The following PDE1A variants were observed in gnomAD, a reference collection of about 807,000 sequenced individuals.
PDE1A encodes phosphodiesterase 1A.
A neutral mutation model predicts 61.7 loss-of-function variants in PDE1A; 35 were observed. The observed-to-expected ratio is 0.57, with a 90% confidence interval of 0.43 to 0.75. The LOEUF is 0.75. PDE1A is among the 30% of genes least tolerant of loss of function. The pLI, the probability that PDE1A is intolerant of heterozygous loss-of-function variation, is 0.00. For missense variants in PDE1A, 597 were observed against 630.6 expected, an observed-to-expected ratio of 0.95 and a Z score of 0.57; for synonymous variants, 232 against 213.2, an observed-to-expected ratio of 1.09 and a Z score of -0.77.
the PDE1A span, among the ~76,000 whole-genome samples, chr2:182,637,649 C>T: frequency 6.6e-6 from 1 of 152,156 alleles, no homozygotes; most frequent in African/African-American, 2.4e-5. Context: ...AGGCCGGGCA[C>T]TGTGGCTCAC....
At chr2:182,547,076 A>T in the PDE1A span, among the ~76,000 whole-genome samples, 1 of 152,222 alleles carries the variant, frequency 6.6e-6, no homozygotes, top group African/African-American at 2.4e-5. Flanking sequence ...TTTTTTAAAA[A>T]TAAAATTGAA....
At chr2:182,450,768 TAA>T (rs1685456260) in intron 2 of PDE1A, among the ~76,000 whole-genome samples, 1 of 146,830 alleles carries the variant, frequency 6.8e-6, no homozygotes, top group East Asian at 2.1e-4. Context: ...TCACTATGTA[TAA>T]AAAAGACACA....
Position 182,219,595 on chromosome 2 carries a change from C to T in PDE1A, c.776+4269G>A, listed in dbSNP as rs192775074. Reference sequence around the variant, plus strand: ...AAGTTTGCTACCACTTACCCAACACCGAGGCTTCTCTCACTCTCCTATCTC... The same window carrying T: ...AAGTTTGCTACCACTTACCCAACACTGAGGCTTCTCTCACTCTCCTATCTC... On this transcript the variant is annotated intron_variant, in intron 7 of 13. Coordinates refer to ENST00000351439, the Ensembl canonical transcript of PDE1A. Among the ~76,000 whole-genome samples the T allele has an allele frequency of 3.5e-3, 531 of 152,132 alleles. 2 individuals are homozygous for T. Among genetic ancestry groups the T allele is most frequent in the African/African-American group, 0.012 (514 of 41,524 alleles).
the PDE1A span, among the ~76,000 whole-genome samples, chr2:182,670,538 T>C: frequency 6.6e-6 from 1 of 152,322 alleles, no homozygotes; most frequent in African/African-American, 2.4e-5. Context: ...AGGGCAATGA[T>C]GCATCACAAT....
chr2:182,675,591 C>A, the PDE1A span, among the ~76,000 whole-genome samples: 10 of 152,196 alleles, frequency 6.6e-5, no homozygotes, highest in African/African-American at 2.4e-4. Flanking sequence ...TAAGTTTTCC[C>A]ATTTCTCTGC....
intron 1 of PDE1A, among the ~76,000 whole-genome samples, chr2:182,394,511 G>T (rs1701593418): frequency 6.6e-6 from 1 of 152,114 alleles, no homozygotes; most frequent in Non-Finnish European, 1.5e-5. Context: ...AGACCACAGG[G>T]TAACTGCACT....
chr2:182,156,628 C>A (rs1691096221), intron 13 of PDE1A, among the ~76,000 whole-genome samples: 1 of 152,270 alleles, frequency 6.6e-6, no homozygotes, highest in East Asian at 1.9e-4. Context: ...AAATTCAGTT[C>A]TTCAGGGGTG....
At chr2:182,556,324 G>GT in the PDE1A span, among the ~76,000 whole-genome samples, 2 of 152,158 alleles carry the variant, frequency 1.3e-5, no homozygotes, top group Non-Finnish European at 2.9e-5. Context: ...TGTTGGGGTG[G>GT]TGAGAGAGGA....
chr2:182,223,934 T>C lies in PDE1A; in HGVS notation c.706A>G (p.Met236Val), dbSNP rs200135261. Residue 236 changes from methionine (M) to valine (V), a missense_variant, in exon 7 of 14, where the codon ATG (methionine) becomes GTG (valine). Met to Val is a conservative substitution (Grantham distance 21, BLOSUM62 1). Transcript: ENST00000351439. Reference sequence around the variant, plus strand: ...TCATGAATGGCAGCAGCAAAGACCATTGCTAAAATTTCCAGTTCAGTGAGC... The same window carrying C: ...TCATGAATGGCAGCAGCAAAGACCACTGCTAAAATTTCCAGTTCAGTGAGC... 6 of 1,605,836 alleles carry C rather than the reference T, an allele frequency of 3.7e-6. No individual in the cohort carries two copies. The Admixed American group carries it at 8.5e-5, about 23-fold the overall frequency.
chr2:182,266,432 T>C (rs950380639), intron 1 of PDE1A, among the ~76,000 whole-genome samples: 10 of 152,174 alleles, frequency 6.6e-5, no homozygotes, highest in African/African-American at 2.4e-4. Flanking sequence ...GTTTTTGTTT[T>C]TCCATAGTCC....
chr2:182,541,271 G>A, the PDE1A span, among the ~76,000 whole-genome samples: 1 of 152,158 alleles, frequency 6.6e-6, no homozygotes, highest in South Asian at 2.1e-4. Context: ...GGATTCACAG[G>A]AACTGGGTTC....
the PDE1A span, among the ~76,000 whole-genome samples, chr2:182,675,036 C>A: frequency 0.015 from 2,340 of 152,114 alleles, 31 homozygotes; most frequent in East Asian, 0.078. Flanking sequence ...GTTTGTTGTA[C>A]AGATTATTTT....
the PDE1A span, among the ~76,000 whole-genome samples, chr2:182,704,440 G>T: frequency 6.6e-6 from 1 of 152,096 alleles, no homozygotes; most frequent in Admixed American, 6.6e-5. Context: ...TAGAGTTAAG[G>T]TTGTTAAAAT....
downstream of PDE1A, among the ~76,000 whole-genome samples, chr2:182,164,576 A>C (rs143646922): frequency 2.6e-5 from 4 of 152,196 alleles, no homozygotes; most frequent in Non-Finnish European, 5.9e-5. Flanking sequence ...CTCCTCAGCT[A>C]CCATTGTCAT....
chr2:182,327,923 G>C (rs1697151858), intron 1 of PDE1A, among the ~76,000 whole-genome samples: 3 of 152,340 alleles, frequency 2.0e-5, no homozygotes, highest in South Asian at 2.1e-4. Context: ...GCGATGTCTG[G>C]AGTAAAGTGA....
the PDE1A span, among the ~76,000 whole-genome samples, chr2:182,644,442 C>T: frequency 3.0e-4 from 45 of 151,980 alleles, no homozygotes; most frequent in African/African-American, 9.6e-4. Context: ...TTGAAATAAA[C>T]TGTAATGCTC....
chr2:182,470,089 C>A (rs1479186725), intron 2 of PDE1A, among the ~76,000 whole-genome samples: 1 of 151,786 alleles, frequency 6.6e-6, no homozygotes, highest in East Asian at 1.9e-4. Flanking sequence ...AGTGAAAACA[C>A]GCTGTTAGAA....
At chr2:182,344,530 A>G (rs1337785175) in intron 1 of PDE1A, among the ~76,000 whole-genome samples, 5 of 151,962 alleles carry the variant, frequency 3.3e-5, no homozygotes, top group African/African-American at 1.2e-4. Flanking sequence ...TAACACCTCC[A>G]CTTGTAGTCA....
At chr2:182,645,343 A>C in the PDE1A span, among the ~76,000 whole-genome samples, 1 of 152,188 alleles carries the variant, frequency 6.6e-6, no homozygotes, top group Non-Finnish European at 1.5e-5. Context: ...ATTCCGTTTT[A>C]CCTGATGAAA....
Sources: allele counts gnomAD v4.1 joint callset (sites outside exome capture counted in the v4.1 genomes callset), GRCh38; gene constraint gnomAD v4.1.1; transcripts MANE v1.5; gene names NCBI Gene and HGNC (gene_info 2026-07-23, HGNC 2026-07-21).